The following MORC2 variants were observed in gnomAD, a reference collection of about 807,000 sequenced individuals.
The protein encoded by MORC2 is ATPase MORC2.
In MORC2, 30 loss-of-function variants were observed where a neutral mutation model predicts 136.0. That is an observed-to-expected ratio of 0.22 (90% CI 0.17 to 0.30). The LOEUF (loss-of-function observed/expected upper bound fraction) is 0.30, where lower values mean the gene tolerates loss of function less well. MORC2 is among the 10% of genes least tolerant of loss of function. The pLI, the probability that MORC2 is intolerant of heterozygous loss-of-function variation, is 1.00. For missense variants in MORC2, 922 were observed against 1,333.1 expected (o/e 0.69, Z 4.80); for synonymous variants, 439 against 487.0 (o/e 0.90, Z 1.30).
At position 30,925,318 on chromosome 22, in the gene MORC2, T is replaced by C. The variant is rs1186604635; in HGVS notation, c.*1485A>G. ...GAGAGAGAGCAGGATGGCAGAGGAATCACCAGCTCAAGAAACCCCAAGACT... is the reference window on the plus strand; with the variant it reads ...GAGAGAGAGCAGGATGGCAGAGGAACCACCAGCTCAAGAAACCCCAAGACT... On this transcript the variant is annotated 3_prime_UTR_variant, in exon 26 of 26. Transcript: ENST00000397641. 3.8e-6 allele frequency: 1 copy of C among 260,836 alleles called. No homozygotes were observed. The highest frequency in any genetic ancestry group is 2.3e-5 in the African/African-American group (1 of 43,522). 16.2% of individuals were successfully genotyped at this position (260,836 alleles called of 1,614,324 possible). A position where few individuals can be genotyped will look rare whatever the true frequency, so the allele number is the denominator to read the frequency against.
At chr22:30,964,551 CACT>C (rs1405432064) in intron 1 of MORC2, among the ~76,000 whole-genome samples, 4 of 152,154 alleles carry the variant, frequency 2.6e-5, no homozygotes, top group African/African-American at 4.8e-5. Context: ...TCACTACCAC[CACT>C]ACATCTGAAG....
At chr22:30,933,298 A>G (rs1160798114) in intron 21 of MORC2, among the ~76,000 whole-genome samples, 168 bp downstream of exon 21, 1 of 152,152 alleles carries the variant, frequency 6.6e-6, no homozygotes, top group Non-Finnish European at 1.5e-5. Context: ...CAAAGGGGTG[A>G]TCCCTTCAGA....
intron 3 of MORC2, among the ~76,000 whole-genome samples, chr22:30,954,951 C>CTTT: frequency 8.2e-6 from 1 of 121,252 alleles, no homozygotes; most frequent in South Asian, 2.7e-4. Flanking sequence ...CTGGCCTGAG[C>CTTT]ATTTTTTTTT....
chr22:30,947,858 A>T (rs1270989389), intron 5 of MORC2, among the ~76,000 whole-genome samples: 1 of 152,184 alleles, frequency 6.6e-6, no homozygotes. Flanking sequence ...GAATAGCAAA[A>T]GCCCCAAATA....
intron 5 of MORC2, among the ~76,000 whole-genome samples, chr22:30,946,829 TGA>T (rs1202348346): frequency 2.0e-5 from 3 of 152,284 alleles, no homozygotes; most frequent in Admixed American, 2.0e-4. Context: ...CCCAGACGCA[TGA>T]GAGGTGCTGT....
At chr22:30,933,282 T>C (rs1377463736) in intron 21 of MORC2, among the ~76,000 whole-genome samples, 184 bp downstream of exon 21, 1 of 152,078 alleles carries the variant, frequency 6.6e-6, no homozygotes, top group East Asian at 1.9e-4. Flanking sequence ...GTGTTAAAAA[T>C]AACCACAAAG....
In MORC2 at chr22:30,928,121, G is replaced by A. The variant is rs376140991; in HGVS notation, c.2928C>T (p.Ser976=). Residue 976 remains serine (S), a synonymous_variant, in exon 25 of 26, where the codon TCC becomes TCT. Transcript: ENST00000397641. ...QSRADSRAKA[S]EESLRTSERK... ...TCTCGGAGGTGCGCAGGCTTTCCTC[G>A]GAGGCCTTGGCCCGGGAGTCAGCAC... 2.2e-5 allele frequency: 35 copies of A among 1,614,012 alleles called. No individual in the cohort carries two copies. The highest frequency in any genetic ancestry group is 2.8e-5 in the Non-Finnish European group (33 of 1,180,022).
At chr22:30,954,345 G>C (rs963601843) in intron 3 of MORC2, among the ~76,000 whole-genome samples, 1 of 152,152 alleles carries the variant, frequency 6.6e-6, no homozygotes, top group African/African-American at 2.4e-5. Flanking sequence ...GAAAAGTGTA[G>C]GGTTAAAGAT....
intron 2 of MORC2, 77 bp from the exon 3 acceptor site, chr22:30,956,874 A>G (rs1214676258): frequency 3.4e-6 from 4 of 1,175,352 alleles, no homozygotes; most frequent in Non-Finnish European, 2.4e-6. Context: ...ATTTGAGTAG[A>G]ATGCAGAGTA....
chr22:30,930,149 AC>A (rs1324928985), intron 24 of MORC2, among the ~76,000 whole-genome samples: 2 of 152,054 alleles, frequency 1.3e-5, no homozygotes, highest in Admixed American at 6.5e-5. Context: ...GAGCCTCCAC[AC>A]CCAGCCTAAT....
intron 2 of MORC2, 110 bp from the exon 3 acceptor site, chr22:30,956,907 C>A: frequency 1.2e-6 from 1 of 851,938 alleles, no homozygotes; most frequent in Non-Finnish European, 1.8e-6. Context: ...TTTCAGGAAG[C>A]CATACAGAAA....
At chr22:30,964,035 C>CCT (rs1470545008) in intron 1 of MORC2, among the ~76,000 whole-genome samples, 1 of 152,096 alleles carries the variant, frequency 6.6e-6, no homozygotes, top group Non-Finnish European at 1.5e-5. Context: ...TTGACAGGCT[C>CCT]CTCTACATTC....
chr22:30,955,948 A>C (rs1292511143), intron 3 of MORC2, among the ~76,000 whole-genome samples: 1 of 148,570 alleles, frequency 6.7e-6, no homozygotes, highest in Non-Finnish European at 1.5e-5. Context: ...TGGAGGTTGC[A>C]GTGAGGCAAG....
At chr22:30,966,143 C>T (rs1472780873) in intron 1 of MORC2, among the ~76,000 whole-genome samples, 1 of 152,194 alleles carries the variant, frequency 6.6e-6, no homozygotes, top group Non-Finnish European at 1.5e-5. Context: ...ACTGTTGTTA[C>T]TATTATTATC....
chr22:30,936,845 G>A (rs377690601), intron 16 of MORC2, 87 bp downstream of exon 16: 19 of 1,358,524 alleles, frequency 1.4e-5, no homozygotes, highest in African/African-American at 1.4e-5. Context: ...AGACAGAGAT[G>A]TAAGGTATGT....
chr22:30,954,816 T>A (rs2040942195), intron 3 of MORC2, among the ~76,000 whole-genome samples: 1 of 152,212 alleles, frequency 6.6e-6, no homozygotes, highest in African/African-American at 2.4e-5. Flanking sequence ...AAGAGGCCCA[T>A]TCTCTGCTTT....
Position 30,940,004 on chromosome 22 carries a change from C to A in MORC2, c.942G>T (p.Arg314=). 1.9e-6 allele frequency: 3 copies of A among 1,614,020 alleles called. No individual in the cohort carries two copies. The highest frequency in any genetic ancestry group is 2.5e-6 in the Non-Finnish European group (3 of 1,180,048). The part of the protein sequence containing the change: ...EKAREAESKA[R]TLEVRLGGDL... Reference sequence around the variant, plus strand: ...CTCCACCTAGGCGTACTTCTAATGTCCGAGCTTTGCTCTCTGCCTCCCGCG... The same window carrying A: ...CTCCACCTAGGCGTACTTCTAATGTACGAGCTTTGCTCTCTGCCTCCCGCG... The change falls in exon 11 of 26, where the codon CGG becomes CGT. Residue 314 remains arginine (R), a synonymous_variant. Transcript: ENST00000397641.
rs752744191 is a variant in MORC2 at position 30,934,750 on chromosome 22, G to GC, written c.2193+30dup. On this transcript the variant is annotated intron_variant, in intron 19 of 25. Transcript: ENST00000397641. This position sits in a 1 kb window ranked among gnomAD's most constrained non-coding sequence, Gnocchi z 4.4. ...TCCATTCCTACACTACTGACACTGG[G>GC]CTGGGGTATTAAAGAGGACAAGCGT... 4 of 1,608,316 alleles carry GC rather than the reference G, an allele frequency of 2.5e-6. No individual in the cohort carries two copies. The highest frequency in any genetic ancestry group is 3.4e-6 in the Non-Finnish European group (4 of 1,176,008).
Position 30,932,282 on chromosome 22 carries a change from T to G in MORC2, c.2841+77A>C. The stretch of plus-strand genomic sequence containing the variant: ...ACTGCAACAAGCGTAACAATCATAA[T>G]CACAACAGTTACAACAAATGCAGGG... On this transcript the variant is annotated intron_variant, in intron 24 of 25. Transcript: ENST00000397641. This position sits in a 1 kb window ranked among gnomAD's most constrained non-coding sequence, Gnocchi z 4.4. 1 of 1,250,290 alleles carries G rather than the reference T, an allele frequency of 8.0e-7. No individual in the cohort carries two copies. The allele number at this position is 1,250,290 out of a possible 1,614,324, so 77.4% of individuals were successfully genotyped here.
Sources: allele counts gnomAD v4.1 joint callset (sites outside exome capture counted in the v4.1 genomes callset), GRCh38; gene constraint gnomAD v4.1.1; non-coding constraint Gnocchi (gnomAD v3.1); transcripts MANE v1.5; gene names NCBI Gene and HGNC (gene_info 2026-07-23, HGNC 2026-07-21).